The following CCDC73 variants were observed in gnomAD, a reference collection of about 807,000 sequenced individuals.
CCDC73 encodes coiled-coil domain containing 73, also known as coiled-coil domain-containing protein 73.
A neutral mutation model predicts 116.5 loss-of-function variants in CCDC73; 95 were observed. The ratio of observed to expected loss-of-function variants is 0.82; its 90% CI spans 0.69 to 0.97. CCDC73 has a LOEUF of 0.97. CCDC73 is among the 50% of genes least tolerant of loss of function. The pLI, the probability that CCDC73 is intolerant of heterozygous loss-of-function variation, is 0.00. For synonymous variants in CCDC73, 398 were observed against 401.3 expected (o/e 0.99, Z 0.10); for missense variants, 1,066 against 1,206.8 (o/e 0.88, Z 1.73).
the CCDC73 span, among the ~76,000 whole-genome samples, chr11:32,819,841 T>C: frequency 6.6e-6 from 1 of 152,210 alleles, no homozygotes; most frequent in Non-Finnish European, 1.5e-5. Context: ...TTTATCATTA[T>C]ATGGAGGTGG....
intron 6 of CCDC73, among the ~76,000 whole-genome samples, chr11:32,686,914 C>T (rs1856207073): frequency 6.6e-6 from 1 of 152,092 alleles, no homozygotes; most frequent in African/African-American, 2.4e-5. Flanking sequence ...AATATCAGAA[C>T]AAAACTATAC....
chr11:32,650,416 CTA>C (rs1206727293), intron 12 of CCDC73, among the ~76,000 whole-genome samples: 2 of 152,108 alleles, frequency 1.3e-5, no homozygotes, highest in African/African-American at 4.8e-5. Flanking sequence ...GCCTAAAAAT[CTA>C]TGTTTCAGCT....
chr11:32,757,671 T>C (rs1292677689), intron 2 of CCDC73, among the ~76,000 whole-genome samples: 1 of 152,184 alleles, frequency 6.6e-6, no homozygotes, highest in Non-Finnish European at 1.5e-5. Context: ...GCTCCTTTGT[T>C]CATAGCATCT....
intron 7 of CCDC73, among the ~76,000 whole-genome samples, chr11:32,679,065 T>C (rs1246553051): frequency 6.6e-6 from 1 of 152,132 alleles, no homozygotes; most frequent in Non-Finnish European, 1.5e-5. Context: ...AATTATGATA[T>C]ATCAGTTGAA....
intron 14 of CCDC73, among the ~76,000 whole-genome samples, chr11:32,635,310 T>A (rs1040075472): frequency 3.3e-5 from 5 of 152,158 alleles, no homozygotes; most frequent in Non-Finnish European, 7.4e-5. Context: ...TTTTATAGCT[T>A]CTTTAAAAGC....
intron 13 of CCDC73, among the ~76,000 whole-genome samples, chr11:32,641,695 T>TTA (rs1383817044): frequency 2.2e-3 from 259 of 117,944 alleles, no homozygotes; most frequent in African/African-American, 7.8e-3. Context: ...GGGGCTCAAA[T>TTA]TATATATATA....
chr11:32,684,530 A>C (rs1050763087), intron 6 of CCDC73, among the ~76,000 whole-genome samples: 4 of 152,336 alleles, frequency 2.6e-5, no homozygotes, highest in Admixed American at 2.6e-4. Context: ...TAACTTTACC[A>C]TAACTTACCT....
intron 2 of CCDC73, among the ~76,000 whole-genome samples, chr11:32,753,825 T>C (rs115832951): frequency 6.6e-6 from 1 of 151,988 alleles, no homozygotes; most frequent in Non-Finnish European, 1.5e-5. Context: ...TTGCCCAGGT[T>C]GTTTTCAAAC....
At chr11:32,730,851 G>A (rs778191121) in intron 2 of CCDC73, among the ~76,000 whole-genome samples, 71 of 152,352 alleles carry the variant, frequency 4.7e-4, no homozygotes, top group Middle Eastern at 6.8e-3. Context: ...CATGAGCGAT[G>A]CAGAAGATGG....
the CCDC73 span, among the ~76,000 whole-genome samples, chr11:32,807,590 T>C: frequency 3.5e-5 from 4 of 114,054 alleles, no homozygotes; most frequent in African/African-American, 6.8e-5. Flanking sequence ...GGATTTTTTT[T>C]TGGCAACTTT....
At chr11:32,638,488 T>C (rs1468458025) in intron 13 of CCDC73, among the ~76,000 whole-genome samples, 1 of 152,154 alleles carries the variant, frequency 6.6e-6, no homozygotes, top group African/African-American at 2.4e-5. Flanking sequence ...TTATTTTTTA[T>C]TTTTATTTTT....
chr11:32,614,748 T>C lies in CCDC73; in HGVS notation c.1570A>G (p.Lys524Glu). The C allele has an allele frequency of 6.2e-7, 1 of 1,613,198 alleles. No homozygotes were observed. The highest frequency in any genetic ancestry group is 8.5e-7 in the Non-Finnish European group (1 of 1,179,560). Residue 524 changes from lysine (K) to glutamate (E), a missense_variant, in exon 16 of 18, where the codon AAA becomes GAA. By Grantham distance (56) the Lys-to-Glu change is moderately conservative (BLOSUM62 1). Transcript: ENST00000335185. ...TEIKDKICLE[K>E]DNGCTEFKSP... ...TTAAATTCTGTACATCCATTGTCTTTTTCCAAGCATATCTTGTCTTTTATT... is the reference window on the plus strand; with the variant it reads ...TTAAATTCTGTACATCCATTGTCTTCTTCCAAGCATATCTTGTCTTTTATT...
intron 2 of CCDC73, among the ~76,000 whole-genome samples, chr11:32,730,657 T>C (rs983458924): frequency 1.3e-5 from 2 of 152,230 alleles, no homozygotes; most frequent in African/African-American, 4.8e-5. Flanking sequence ...TTCATCCTAC[T>C]GGGCTTCACA....
intron 2 of CCDC73, among the ~76,000 whole-genome samples, chr11:32,745,723 TTTTGTTTG>T (rs147851409): frequency 7.0e-6 from 1 of 142,794 alleles, no homozygotes; most frequent in Non-Finnish European, 1.5e-5. Context: ...GTTTTTGTTT[TTTTGTTTG>T]TTTGTTTGTT....
chr11:32,663,478 C>CTGTT (rs1453889232), intron 9 of CCDC73, among the ~76,000 whole-genome samples: 3 of 151,976 alleles, frequency 2.0e-5, no homozygotes, highest in Non-Finnish European at 2.9e-5. Context: ...ATTTGGCTCT[C>CTGTT]TGTTTGTTAT....
intron 12 of CCDC73, 68 bp from the exon 13 acceptor site, chr11:32,642,150 T>G (rs1286074596): frequency 7.3e-7 from 1 of 1,369,510 alleles, no homozygotes; most frequent in Non-Finnish European, 9.5e-7. Flanking sequence ...TGTTTTATGT[T>G]GCTTGGACCT....
At chr11:32,754,878 C>CT (rs34982926) in intron 2 of CCDC73, among the ~76,000 whole-genome samples, 22,806 of 86,622 alleles carry the variant, frequency 0.26, 3,738 homozygotes, top group South Asian at 0.32. Flanking sequence ...ATGGCTTCAA[C>CT]TTTTTTTTTT....
At chr11:32,750,027 C>T (rs1216446216) in intron 2 of CCDC73, among the ~76,000 whole-genome samples, 2 of 112,802 alleles carry the variant, frequency 1.8e-5, no homozygotes, top group African/African-American at 6.2e-5. Flanking sequence ...CCGACCACTA[C>T]GCCCGGCTAA....
chr11:32,657,225 T>C (rs1258389861), intron 9 of CCDC73, among the ~76,000 whole-genome samples: 1 of 152,180 alleles, frequency 6.6e-6, no homozygotes, highest in Non-Finnish European at 1.5e-5. Flanking sequence ...AGGGAAAAAC[T>C]CACCCAAGTA....
Sources: allele counts gnomAD v4.1 joint callset (sites outside exome capture counted in the v4.1 genomes callset), GRCh38; gene constraint gnomAD v4.1.1; transcripts MANE v1.5; gene names NCBI Gene and HGNC (gene_info 2026-07-23, HGNC 2026-07-21).